The following UBE2L3 variants were observed in gnomAD, a reference collection of about 807,000 sequenced individuals.
UBE2L3 encodes the protein ubiquitin-conjugating enzyme E2 L3.
UBE2L3 carries 1 observed loss-of-function variant against 17.8 expected under a neutral mutation model. That is an observed-to-expected ratio of 0.06 (90% CI 0.02 to 0.27). UBE2L3 has a LOEUF of 0.27. Among genes scored for constraint, UBE2L3 ranks in the 10% least tolerant of loss-of-function variants. The pLI is 1.00. For synonymous variants in UBE2L3, 44 were observed against 68.5 expected (o/e 0.64, Z 1.76); for missense variants, 40 against 192.6 (o/e 0.21, Z 4.69).
At chr22:21,565,045 G>A (rs969971950), upstream of UBE2L3, among the ~76,000 whole-genome samples, 5 of 151,958 alleles carry the variant, frequency 3.3e-5, 1 homozygote, top group South Asian at 4.2e-4. Flanking sequence ...GTCAAGCCTG[G>A]GCTCCCAAGA....
chr22:21,606,333 T>TGTGTGTGTGTGTGTG (rs1305743924), intron 2 of UBE2L3, among the ~76,000 whole-genome samples: 2 of 151,214 alleles, frequency 1.3e-5, no homozygotes, highest in South Asian at 2.1e-4. Flanking sequence ...GTGTGTGTGG[T>TGTGTGTGTGTGTGTG]GTGTGTGTGT....
At chr22:21,586,016 G>A (rs1178596413) in intron 1 of UBE2L3, among the ~76,000 whole-genome samples, 1 of 151,978 alleles carries the variant, frequency 6.6e-6, no homozygotes, top group Non-Finnish European at 1.5e-5. Context: ...GCTCACTGCA[G>A]CCTCAACCTT....
At chr22:21,576,553 C>T (rs955175781) in intron 1 of UBE2L3, among the ~76,000 whole-genome samples, 4 of 152,064 alleles carry the variant, frequency 2.6e-5, no homozygotes, top group Non-Finnish European at 5.9e-5. Context: ...CTGCCTCGGT[C>T]TCCCAAAGTG....
In UBE2L3 at chr22:21,612,932, C is replaced by T. The variant is rs1003176054; in HGVS notation, c.310+1889C>T. 1.7e-4 allele frequency among the ~76,000 whole-genome samples: 26 copies of T among 152,152 alleles called. 2 individuals carry two copies. Among genetic ancestry groups the T allele is most frequent in the East Asian group, 1.9e-4 (1 of 5,190 alleles). On this transcript the variant is annotated intron_variant, in intron 3 of 3. Transcript: ENST00000342192. The stretch of plus-strand genomic sequence containing the variant: ...GATTACAGGCATGAGCCATCATGCC[C>T]GGCGAGCCTGGTTTTTTTCTGTACA...
At chr22:21,608,921 G>C (rs1406074373) in intron 2 of UBE2L3, among the ~76,000 whole-genome samples, 1 of 150,968 alleles carries the variant, frequency 6.6e-6, no homozygotes, top group Non-Finnish European at 1.5e-5. Context: ...TTGAGACTCA[G>C]TCTCGCTCTT....
At chr22:21,579,491 C>T (rs181366) in intron 1 of UBE2L3, among the ~76,000 whole-genome samples, 33,076 of 152,000 alleles carry the variant, frequency 0.22, 4,400 homozygotes, top group East Asian at 0.51. Flanking sequence ...GATTTAGTGG[C>T]CAGGCACGGT....
chr22:21,620,792 G>A (rs773783765), intron 3 of UBE2L3, among the ~76,000 whole-genome samples: 4 of 152,082 alleles, frequency 2.6e-5, no homozygotes, highest in African/African-American at 4.8e-5. Context: ...GGGTCATTGC[G>A]CATTGACAAG....
At chr22:21,556,308 T>C (rs1465472473) in intron 1 of UBE2L3, among the ~76,000 whole-genome samples, 1 of 152,146 alleles carries the variant, frequency 6.6e-6, no homozygotes, top group African/African-American at 2.4e-5. Flanking sequence ...AGTGGGAGAA[T>C]AGTTTGAGCC....
At chr22:21,560,376 C>G (rs1926388683) in intron 1 of UBE2L3, among the ~76,000 whole-genome samples, 1 of 152,384 alleles carries the variant, frequency 6.6e-6, no homozygotes, top group African/African-American at 2.4e-5. Flanking sequence ...TGTTTCCCAG[C>G]TCCACACTGC....
At chr22:21,612,643 CTTTTTTTTTTTT>C (rs57678378) in intron 3 of UBE2L3, among the ~76,000 whole-genome samples, 2,823 of 52,522 alleles carry the variant, frequency 0.054, 121 homozygotes, top group African/African-American at 0.17. Flanking sequence ...CTTTTCTTTT[CTTTTTTTTTTTT>C]TTTTTTTTTT....
At chr22:21,592,582 C>T (rs1229297038) in intron 1 of UBE2L3, among the ~76,000 whole-genome samples, 4 of 152,124 alleles carry the variant, frequency 2.6e-5, no homozygotes, top group South Asian at 2.1e-4. Context: ...GGAGGTGGTA[C>T]GTCTGCAGAA....
chr22:21,590,896 G>A (rs911966513), intron 1 of UBE2L3, among the ~76,000 whole-genome samples: 5 of 152,180 alleles, frequency 3.3e-5, no homozygotes, highest in Non-Finnish European at 5.9e-5. Context: ...TTAAGCACAT[G>A]TTTGAGCACC....
chr22:21,586,590 C>T (rs1405193331), intron 1 of UBE2L3, among the ~76,000 whole-genome samples: 2 of 138,054 alleles, frequency 1.4e-5, no homozygotes, highest in Admixed American at 7.6e-5. Context: ...TTTTTTTAAA[C>T]GGAGTCTTGC....
intron 3 of UBE2L3, among the ~76,000 whole-genome samples, chr22:21,613,607 A>G (rs1312699463): frequency 1.3e-5 from 2 of 152,174 alleles, no homozygotes; most frequent in African/African-American, 4.8e-5. Context: ...CATGTTTGTT[A>G]TCTATTACTG....
At chr22:21,610,228 A>G (rs1053943531) in intron 2 of UBE2L3, among the ~76,000 whole-genome samples, 3 of 152,174 alleles carry the variant, frequency 2.0e-5, no homozygotes, top group East Asian at 3.9e-4. Context: ...AAGGACACCA[A>G]TCCCATCATG....
upstream of UBE2L3, among the ~76,000 whole-genome samples, chr22:21,563,241 CAAA>C (rs34642040): frequency 9.2e-5 from 5 of 54,400 alleles, no homozygotes; most frequent in Non-Finnish European, 1.1e-4. Flanking sequence ...GACTCCGTCT[CAAA>C]AAAAAAAAAA....
upstream of UBE2L3, among the ~76,000 whole-genome samples, chr22:21,562,874 G>A (rs943357060): frequency 6.6e-6 from 1 of 151,960 alleles, no homozygotes; most frequent in Admixed American, 6.6e-5. Flanking sequence ...CATGCTGACT[G>A]GAGGAAGGAA....
intron 2 of UBE2L3, among the ~76,000 whole-genome samples, chr22:21,606,950 A>T (rs570342946): frequency 1.3e-5 from 2 of 152,100 alleles, no homozygotes; most frequent in East Asian, 3.9e-4. Flanking sequence ...GTCTTGCTCT[A>T]TGCTATTCCT....
At position 21,567,997 on chromosome 22, in the gene UBE2L3, G is replaced by T. The variant is rs1168578415; in HGVS notation, c.27+226G>T. On this transcript the variant is annotated intron_variant, in intron 1 of 3. Coordinates refer to ENST00000342192, the MANE Select transcript of UBE2L3 (RefSeq NM_003347.4). ...GCTGGGAGCCGCTGTCGGCCCCTCA[G>T]CCCGGCCCGGGGCGTTCACGCCACT... is the stretch of plus-strand genomic sequence containing the variant. The T allele has an allele frequency of 1.4e-4, 185 of 1,355,320 alleles. 1 individual carries two copies. The highest frequency in any genetic ancestry group is 1.7e-4 in the Non-Finnish European group (181 of 1,058,326). 84.0% of individuals were successfully genotyped at this position (1,355,320 alleles called of 1,614,324 possible).
Sources: gnomAD v4.1 joint callset for allele counts (sites outside exome capture counted in the v4.1 genomes callset) on GRCh38, gnomAD v4.1.1 for gene constraint, MANE v1.5 for transcripts, NCBI Gene and HGNC (gene_info 2026-07-23, HGNC 2026-07-21) for gene names.